Variants in RPS6KA3 observed in about 807,000 individuals in gnomAD.
RPS6KA3 encodes ribosomal protein S6 kinase A3.
A neutral mutation model predicts 67.2 loss-of-function variants in RPS6KA3; 4 were observed. That is an observed-to-expected ratio of 0.06 (90% confidence interval 0.03 to 0.14). The LOEUF is 0.14. RPS6KA3 is among the 10% of genes least tolerant of loss of function. The pLI is 1.00. For synonymous variants in RPS6KA3, 182 were observed against 183.7 expected (o/e 0.99, Z 0.07); for missense variants, 204 against 559.0 (o/e 0.36, Z 6.40).
chrX:20,206,477 C>T (rs956232282), intron 3 of RPS6KA3, among the ~76,000 whole-genome samples: 4 of 111,200 alleles, frequency 3.6e-5, no homozygotes, highest in Non-Finnish European at 7.5e-5. Context: ...ATTTAATTCT[C>T]ACTACTCTCC....
At chrX:20,194,142 A>T (rs2068211751) in intron 6 of RPS6KA3, 47 bp downstream of exon 6, 1 of 794,844 alleles carries the variant, frequency 1.3e-6, no homozygotes, top group African/African-American at 2.0e-5. Context: ...GCTTTAGTTC[A>T]AACAGGATGC....
intron 9 of RPS6KA3, 24 bp from the exon 10 acceptor site, chrX:20,186,390 A>T (rs2067981872): frequency 1.0e-6 from 1 of 982,186 alleles, no homozygotes; most frequent in Middle Eastern, 2.6e-4. Flanking sequence ...AAATAATCAG[A>T]AGTGTTAGTC....
intron 1 of RPS6KA3, among the ~76,000 whole-genome samples, chrX:20,259,505 G>A (rs891334318): frequency 9.0e-6 from 1 of 111,369 alleles, no homozygotes; most frequent in Non-Finnish European, 1.9e-5. Context: ...AATTTAGAAA[G>A]ATTTCAATTC....
chrX:20,174,610 G>A (rs937373301), intron 14 of RPS6KA3, among the ~76,000 whole-genome samples: 54 of 109,871 alleles, frequency 4.9e-4, no homozygotes, highest in African/African-American at 1.7e-3. Flanking sequence ...GCCTCCCAAA[G>A]TGCTGGGATT....
chrX:20,251,158 G>T (rs1461111216), intron 1 of RPS6KA3, among the ~76,000 whole-genome samples: 1 of 111,775 alleles, frequency 8.9e-6, no homozygotes, highest in East Asian at 2.8e-4. Flanking sequence ...TTGAGATGAG[G>T]TCTCACTGTG....
intron 20 of RPS6KA3, 152 bp from the exon 21 acceptor site, chrX:20,156,401 A>T (rs2067189364): frequency 1.7e-6 from 1 of 589,669 alleles, no homozygotes; most frequent in African/African-American, 2.3e-5. Context: ...GGGGAAAAAA[A>T]ATCAGTCTCC....
intron 4 of RPS6KA3, among the ~76,000 whole-genome samples, chrX:20,201,128 T>C: frequency 9.0e-6 from 1 of 111,371 alleles, no homozygotes; most frequent in East Asian, 2.8e-4. Flanking sequence ...GGCTTTCCAA[T>C]TTATGCTGCC....
intron 10 of RPS6KA3, among the ~76,000 whole-genome samples, chrX:20,178,481 G>GTTTTTTTTTT (rs59662504): frequency 2.0e-4 from 17 of 84,441 alleles, no homozygotes; most frequent in African/African-American, 6.8e-4. Flanking sequence ...AAACAAATCA[G>GTTTTTTTTTT]TTTTTTTTTT....
At chrX:20,193,385 G>T (rs1000813359) in intron 7 of RPS6KA3, 102 bp downstream of exon 7, 3 of 507,791 alleles carry the variant, frequency 5.9e-6, no homozygotes, top group African/African-American at 2.3e-5. Flanking sequence ...GCACAGGCAC[G>T]CTAGTGCAAT....
At chrX:20,173,123 A>C (rs1325481251) in intron 14 of RPS6KA3, among the ~76,000 whole-genome samples, 1 of 112,361 alleles carries the variant, frequency 8.9e-6, no homozygotes, top group Non-Finnish European at 1.9e-5. Flanking sequence ...CAACAGAAAA[A>C]GCAGAGCTAC....
At chrX:20,210,896 G>A (rs1456773278) in intron 2 of RPS6KA3, among the ~76,000 whole-genome samples, 1 of 110,185 alleles carries the variant, frequency 9.1e-6, no homozygotes, top group Non-Finnish European at 1.9e-5. Flanking sequence ...AAGGTACAAG[G>A]GTTTCAGACA....
At chrX:20,231,134 C>G (rs1445818218) in intron 2 of RPS6KA3, among the ~76,000 whole-genome samples, 1 of 110,141 alleles carries the variant, frequency 9.1e-6, no homozygotes, top group Non-Finnish European at 1.9e-5. Flanking sequence ...ATTTTTAAAC[C>G]TGTAGTAGAG....
intron 15 of RPS6KA3, among the ~76,000 whole-genome samples, chrX:20,170,456 TTTC>T (rs1362587456): frequency 9.0e-6 from 1 of 111,093 alleles, no homozygotes; most frequent in Non-Finnish European, 1.9e-5. Context: ...ACACGTGGAT[TTTC>T]TTCTGCTTCT....
intron 2 of RPS6KA3, among the ~76,000 whole-genome samples, chrX:20,233,615 G>A (rs1178898194): frequency 1.8e-5 from 2 of 109,684 alleles, no homozygotes; most frequent in South Asian, 4.0e-4. Context: ...GCTGGGTGTC[G>A]TGGCATGTGC....
chrX:20,248,140 C>A (rs1400785054), intron 1 of RPS6KA3, among the ~76,000 whole-genome samples: 2 of 112,164 alleles, frequency 1.8e-5, no homozygotes. Context: ...GTAATATCAC[C>A]TTAGTAGGCT....
At chrX:20,157,855 G>A (rs192604341) in intron 20 of RPS6KA3, among the ~76,000 whole-genome samples, 1 of 111,457 alleles carries the variant, frequency 9.0e-6, no homozygotes, top group Non-Finnish European at 1.9e-5. Context: ...AGTACAATGC[G>A]GCTACAGCAT....
intron 20 of RPS6KA3, among the ~76,000 whole-genome samples, chrX:20,159,645 G>A (rs1415553200): frequency 1.8e-5 from 2 of 111,961 alleles, no homozygotes; most frequent in Non-Finnish European, 3.8e-5. Flanking sequence ...CAGGATGTAA[G>A]TGAATGAAGA....
At chrX:20,196,783 C>T (rs1262791376) in intron 4 of RPS6KA3, among the ~76,000 whole-genome samples, 1 of 111,808 alleles carries the variant, frequency 8.9e-6, no homozygotes, top group Non-Finnish European at 1.9e-5. Context: ...CAATAGCAAT[C>T]TCTGATTTCA....
intron 16 of RPS6KA3, among the ~76,000 whole-genome samples, chrX:20,168,619 C>G (rs1313070891): frequency 9.0e-6 from 1 of 111,057 alleles, no homozygotes; most frequent in Admixed American, 9.6e-5. Flanking sequence ...GAGAGTGAGA[C>G]TAGTCAATAT....
Sources: allele counts gnomAD v4.1 joint callset (sites outside exome capture counted in the v4.1 genomes callset), GRCh38; gene constraint gnomAD v4.1.1; transcripts MANE v1.5; gene names NCBI Gene and HGNC (gene_info 2026-07-23, HGNC 2026-07-21).